Variants in C1GALT1 observed in about 807,000 individuals in gnomAD.
C1GALT1 encodes the protein core 1 synthase, glycoprotein-N-acetylgalactosamine 3-beta-galactosyltransferase 1.
C1GALT1 carries 11 observed loss-of-function variants against 31.0 expected under a neutral mutation model. The observed-to-expected ratio is 0.36, with a 90% CI of 0.22 to 0.59. The LOEUF is 0.59. Ranked by LOEUF, C1GALT1 falls within the 20% of genes least tolerant of loss-of-function variation. C1GALT1 has a pLI of 0.79. For synonymous variants in C1GALT1, 175 were observed against 143.6 expected (o/e 1.22, Z -1.56); for missense variants, 424 against 425.2 (o/e 1.00, Z 0.03).
intron 1 of C1GALT1, among the ~76,000 whole-genome samples, chr7:7,230,007 G>T (rs567496990): frequency 6.6e-6 from 1 of 152,100 alleles, no homozygotes; most frequent in Non-Finnish European, 1.5e-5. Context: ...TCAAGATACT[G>T]GGCAGCTTTG....
intron 1 of C1GALT1, among the ~76,000 whole-genome samples, chr7:7,213,702 G>A (rs1453030144): frequency 1.3e-5 from 2 of 152,094 alleles, no homozygotes; most frequent in African/African-American, 4.8e-5. Context: ...GTTTATTAAT[G>A]TTAACCCCAA....
chr7:7,182,786 C>T lies in C1GALT1; in HGVS notation c.-52C>T, dbSNP rs564359604. 2 of 985,426 alleles carry T rather than the reference C, an allele frequency of 2.0e-6. No individual in the cohort carries two copies. The highest frequency in any genetic ancestry group is 1.7e-5 in the African/African-American group (1 of 57,240). The allele number at this position is 985,426 out of a possible 1,614,324, so 61.0% of individuals were successfully genotyped here. ...CCAAGTCGTCCCCCTCTCCGCCCCCCAGGAGGGGCGAGAGGGAGCCGCAGC... is the reference window on the plus strand; with the variant it reads ...CCAAGTCGTCCCCCTCTCCGCCCCCTAGGAGGGGCGAGAGGGAGCCGCAGC... On this transcript the variant is annotated 5_prime_UTR_variant, in exon 1 of 4. Coordinates refer to ENST00000436587, the MANE Select transcript of C1GALT1 (RefSeq NM_020156.5).
At chr7:7,203,092 GTTTT>G (rs35048292) in intron 1 of C1GALT1, among the ~76,000 whole-genome samples, 1 of 137,732 alleles carries the variant, frequency 7.3e-6, no homozygotes. Context: ...GTTCTAACAG[GTTTT>G]TTTTTTTTTT....
At position 7,234,525 on chromosome 7, in the gene C1GALT1, C is replaced by T; in HGVS notation, c.206C>T (p.Ser69Phe). The change falls in exon 2 of 4, where the codon TCT becomes TTT. Residue 69 changes from serine to phenylalanine, a missense_variant. Ser to Phe is a radical substitution (Grantham distance 155). Transcript: ENST00000436587. ...GGACAAATGAACTTCAATGCAGATT[C>T]TAGCCAACATAAAGGTATGGTTTAC... ...LEGQMNFNAD[S>F]SQHKDENTDI... The T allele has an allele frequency of 6.2e-7, 1 of 1,608,686 alleles. No homozygotes were observed. Among genetic ancestry groups the T allele is most frequent in the Middle Eastern group, 1.7e-4 (1 of 6,052 alleles).
chr7:7,191,046 AC>A (rs745750793), intron 1 of C1GALT1, among the ~76,000 whole-genome samples: 53 of 152,256 alleles, frequency 3.5e-4, no homozygotes, highest in Middle Eastern at 3.4e-3. Context: ...GGTATTAACT[AC>A]ATTTATATTG....
intron 1 of C1GALT1, among the ~76,000 whole-genome samples, chr7:7,205,480 A>G (rs1442011662): frequency 1.3e-5 from 2 of 152,184 alleles, no homozygotes; most frequent in South Asian, 2.1e-4. Context: ...GAATGCCTTC[A>G]TTCTTGTCGT....
chr7:7,211,075 C>A (rs547390510), intron 1 of C1GALT1, among the ~76,000 whole-genome samples: 8 of 152,150 alleles, frequency 5.3e-5, no homozygotes, highest in Non-Finnish European at 1.2e-4. Context: ...GCAACTAGGG[C>A]TCCTCCTGGG....
chr7:7,190,289 C>G (rs750531675), intron 1 of C1GALT1, among the ~76,000 whole-genome samples: 21 of 152,140 alleles, frequency 1.4e-4, no homozygotes, highest in Non-Finnish European at 2.8e-4. Flanking sequence ...GAGAAGCTGA[C>G]TCAGGATTCT....
upstream of C1GALT1, among the ~76,000 whole-genome samples, chr7:7,180,114 A>G (rs756991178): frequency 7.9e-5 from 12 of 152,198 alleles, no homozygotes; most frequent in Non-Finnish European, 1.6e-4. Context: ...CTACCGACCT[A>G]CTCCAACGAG....
chr7:7,186,183 C>T (rs1207211318), intron 1 of C1GALT1, among the ~76,000 whole-genome samples: 1 of 152,086 alleles, frequency 6.6e-6, no homozygotes, highest in Non-Finnish European at 1.5e-5. Flanking sequence ...GCTACCAGTT[C>T]CTTTCCCATG....
chr7:7,216,062 C>G (rs74825337), intron 1 of C1GALT1, among the ~76,000 whole-genome samples: 5,361 of 152,058 alleles, frequency 0.035, 196 homozygotes, highest in African/African-American at 0.099. Flanking sequence ...TCTTACAACG[C>G]TTGCAGAGGT....
At chr7:7,184,922 G>T (rs1464512958) in intron 1 of C1GALT1, among the ~76,000 whole-genome samples, 1 of 152,194 alleles carries the variant, frequency 6.6e-6, no homozygotes, top group African/African-American at 2.4e-5. Context: ...AAAGAAGAAA[G>T]GTGGGGAGCG....
At chr7:7,190,760 T>G (rs1781035819) in intron 1 of C1GALT1, among the ~76,000 whole-genome samples, 1 of 152,084 alleles carries the variant, frequency 6.6e-6, no homozygotes, top group Non-Finnish European at 1.5e-5. Context: ...ATTGATCAGA[T>G]CAGATTAGTA....
intron 2 of C1GALT1, among the ~76,000 whole-genome samples, chr7:7,161,976 A>C (rs1337408822): frequency 6.6e-6 from 1 of 152,056 alleles, no homozygotes; most frequent in East Asian, 1.9e-4. Flanking sequence ...CAAAAACTTT[A>C]GCAATTGTCA....
At chr7:7,190,288 A>G (rs887987514) in intron 1 of C1GALT1, among the ~76,000 whole-genome samples, 5 of 152,102 alleles carry the variant, frequency 3.3e-5, no homozygotes, top group African/African-American at 4.8e-5. Flanking sequence ...TGAGAAGCTG[A>G]CTCAGGATTC....
chr7:7,182,974 C>T (rs890717499), intron 1 of C1GALT1, among the ~76,000 whole-genome samples, 154 bp downstream of exon 1: 1 of 152,048 alleles, frequency 6.6e-6, no homozygotes, highest in Non-Finnish European at 1.5e-5. Context: ...GGGCTGGGGT[C>T]GTCCGGGCTC....
intron 1 of C1GALT1, among the ~76,000 whole-genome samples, chr7:7,195,722 T>A (rs915793532): frequency 6.6e-6 from 1 of 152,242 alleles, no homozygotes; most frequent in Non-Finnish European, 1.5e-5. Context: ...ATTGTATCTC[T>A]ATTGATTTTC....
chr7:7,199,304 T>G (rs1336130852), intron 1 of C1GALT1, among the ~76,000 whole-genome samples: 1 of 152,226 alleles, frequency 6.6e-6, no homozygotes, highest in Non-Finnish European at 1.5e-5. Context: ...TACCTGATAG[T>G]CATTCAGGGG....
chr7:7,187,235 T>C (rs1038387700), intron 1 of C1GALT1, among the ~76,000 whole-genome samples: 16 of 151,428 alleles, frequency 1.1e-4, no homozygotes, highest in African/African-American at 3.7e-4. Context: ...AAAGTAGTCT[T>C]ATCTCTATTC....
Sources: gnomAD v4.1 joint callset for allele counts (sites outside exome capture counted in the v4.1 genomes callset) on GRCh38, gnomAD v4.1.1 for gene constraint, MANE v1.5 for transcripts, NCBI Gene and HGNC (gene_info 2026-07-23, HGNC 2026-07-21) for gene names.